NUTF2: variants seen among roughly 807,000 people sequenced by gnomAD.
NUTF2 encodes nuclear transport factor 2, also known as placental protein 15.
In NUTF2, 3 loss-of-function variants were observed where a neutral mutation model predicts 18.5. The ratio of observed to expected loss-of-function variants is 0.16; its 90% CI spans 0.07 to 0.42. The LOEUF (loss-of-function observed/expected upper bound fraction) is 0.42. Ranked by LOEUF, NUTF2 falls within the 10% of genes least tolerant of loss-of-function variation. NUTF2 has a pLI of 0.99. For missense variants in NUTF2, 44 were observed against 160.7 expected (o/e 0.27, Z 3.93); for synonymous variants, 51 against 57.9 (o/e 0.88, Z 0.54).
At chr16:67,852,004 G>C (rs756483994) in intron 1 of NUTF2, among the ~76,000 whole-genome samples, 68 of 151,590 alleles carry the variant, frequency 4.5e-4, no homozygotes, top group Non-Finnish European at 8.4e-4. Context: ...CAACAACAGC[G>C]AAACTCCATC....
intron 1 of NUTF2, among the ~76,000 whole-genome samples, chr16:67,853,750 A>G (rs1003265226): frequency 2.0e-5 from 3 of 151,908 alleles, no homozygotes; most frequent in South Asian, 2.1e-4. Context: ...GGCTCAAGCA[A>G]TCCTCCTGCC....
At chr16:67,863,019 G>A (rs964478787) in intron 1 of NUTF2, among the ~76,000 whole-genome samples, 17 of 152,156 alleles carry the variant, frequency 1.1e-4, no homozygotes, top group African/African-American at 3.9e-4. Flanking sequence ...CAGGGTCAGG[G>A]CACATTGAGT....
At chr16:67,860,996 T>G (rs1478395117) in intron 1 of NUTF2, among the ~76,000 whole-genome samples, 1 of 152,212 alleles carries the variant, frequency 6.6e-6, no homozygotes, top group Non-Finnish European at 1.5e-5. Flanking sequence ...TGTTTGGAGG[T>G]GGAAGCCCTG....
chr16:67,854,812 G>T (rs2057883682), intron 1 of NUTF2, among the ~76,000 whole-genome samples: 1 of 152,144 alleles, frequency 6.6e-6, no homozygotes, highest in African/African-American at 2.4e-5. Context: ...GCAGGGCATG[G>T]TGGCAGGTAC....
intron 4 of NUTF2, chr16:67,870,531 T>C (rs1485206564): frequency 1.2e-5 from 5 of 431,656 alleles, no homozygotes; most frequent in Non-Finnish European, 2.1e-5. Flanking sequence ...CTCTGCTCTT[T>C]TGCTGTAGCT....
intron 1 of NUTF2, among the ~76,000 whole-genome samples, chr16:67,859,558 A>T (rs572948441): frequency 6.6e-6 from 1 of 151,684 alleles, no homozygotes; most frequent in African/African-American, 2.4e-5. Context: ...GGATTTCTCT[A>T]TGTTGGCCAG....
intron 1 of NUTF2, among the ~76,000 whole-genome samples, chr16:67,855,480 A>T (rs565806152): frequency 6.6e-6 from 1 of 152,304 alleles, no homozygotes; most frequent in South Asian, 2.1e-4. Context: ...CCCAGGCTGG[A>T]GACAGGGCTG....
intron 1 of NUTF2, among the ~76,000 whole-genome samples, chr16:67,857,509 C>G (rs1039847377): frequency 1.3e-5 from 2 of 152,152 alleles, no homozygotes; most frequent in Non-Finnish European, 2.9e-5. Flanking sequence ...TGATTCTAGG[C>G]CATCTCCATG....
At chr16:67,849,681 C>T (rs558981170) in intron 1 of NUTF2, among the ~76,000 whole-genome samples, 20 of 151,202 alleles carry the variant, frequency 1.3e-4, no homozygotes, top group Admixed American at 3.3e-4. Context: ...TATTTTGAGA[C>T]GGAGTCTCAC....
At chr16:67,853,292 A>G (rs2057873405) in intron 1 of NUTF2, among the ~76,000 whole-genome samples, 2 of 152,106 alleles carry the variant, frequency 1.3e-5, no homozygotes, top group Admixed American at 1.3e-4. Context: ...CCTGGGCTCA[A>G]GCAGTCCTCC....
At chr16:67,864,981 T>C in intron 1 of NUTF2, 121 bp from the exon 2 acceptor site, 1 of 598,052 alleles carries the variant, frequency 1.7e-6, no homozygotes. Context: ...CTGTCCGTGT[T>C]CTCTGAGAGA....
At position 67,871,053 on chromosome 16, in the gene NUTF2, G is replaced by C; in HGVS notation, c.*140G>C. 1 of 626,382 alleles carries C rather than the reference G, an allele frequency of 1.6e-6. No individual in the cohort carries two copies. Among genetic ancestry groups the C allele is most frequent in the South Asian group, 2.0e-5 (1 of 49,120 alleles). The allele number at this position is 626,382 out of a possible 1,614,324, so 38.8% of individuals were successfully genotyped here. Reference sequence around the variant, plus strand: ...GTGGGCGCAGTGCGCTGCTGCCACTGAGGTGTTGTGCATGATGTTTGGATG... The same window carrying C: ...GTGGGCGCAGTGCGCTGCTGCCACTCAGGTGTTGTGCATGATGTTTGGATG... On this transcript the variant is annotated 3_prime_UTR_variant, in exon 5 of 5. Coordinates refer to ENST00000219169, the MANE Select transcript of NUTF2 (RefSeq NM_005796.3).
At chr16:67,850,571 G>A (rs916304080) in intron 1 of NUTF2, among the ~76,000 whole-genome samples, 2 of 152,152 alleles carry the variant, frequency 1.3e-5, no homozygotes, top group Admixed American at 6.6e-5. Flanking sequence ...CTGAGAATTC[G>A]TTAAATGTTT....
intron 4 of NUTF2, 70 bp from the exon 5 acceptor site, chr16:67,870,730 C>T (rs1395731134): frequency 1.6e-5 from 21 of 1,309,476 alleles, no homozygotes; most frequent in Admixed American, 1.2e-4. Flanking sequence ...TTTTTGCCCT[C>T]TTCTCCTACC....
chr16:67,856,031 A>T (rs2057894247), intron 1 of NUTF2: 2 of 861,730 alleles, frequency 2.3e-6, no homozygotes, highest in Non-Finnish European at 3.9e-6. Context: ...TGTCTTGCTC[A>T]GGGGCCGGCA....
At chr16:67,864,421 A>G (rs1025908316) in intron 1 of NUTF2, among the ~76,000 whole-genome samples, 44 of 151,784 alleles carry the variant, frequency 2.9e-4, no homozygotes, top group African/African-American at 1.1e-3. Flanking sequence ...AGGCAAGAGA[A>G]TCACTTGAGC....
Position 67,846,960 on chromosome 16 carries a change from C to G in NUTF2, c.-55C>G, listed in dbSNP as rs911945091. The stretch of plus-strand genomic sequence containing the variant: ...AGACCGCGCTGGGTTGCCGCTGCCG[C>G]TGCCGCCATCGTGCCAGCCCCTCGG... On this transcript the variant is annotated 5_prime_UTR_variant, in exon 1 of 5. Coordinates refer to ENST00000219169, the MANE Select transcript of NUTF2 (RefSeq NM_005796.3). 1 of 152,564 alleles carries G rather than the reference C, an allele frequency of 6.6e-6. No homozygotes were observed. Among genetic ancestry groups the G allele is most frequent in the South Asian group, 2.1e-4 (1 of 4,840 alleles). The allele number at this position is 152,564 out of a possible 1,614,324, so 9.5% of individuals were successfully genotyped here. A position where few individuals can be genotyped will look rare whatever the true frequency, so the allele number is the denominator to read the frequency against.
chr16:67,856,357 A>C (rs987384868), intron 1 of NUTF2, among the ~76,000 whole-genome samples: 11 of 151,632 alleles, frequency 7.3e-5, no homozygotes, highest in African/African-American at 2.7e-4. Flanking sequence ...ACGCCTGGCA[A>C]ATTTTTATAT....
Position 67,865,230 on chromosome 16 carries a change from G to A in NUTF2, c.99+1G>A. On this transcript the variant is annotated splice_donor_variant, in intron 2 of 4. Coordinates refer to ENST00000219169, the MANE Select transcript of NUTF2 (RefSeq NM_005796.3). LOFTEE classifies it high-confidence loss of function. ...TAGAACCCAACTAGGCGCAATTTAC[G>A]TAAGTTTCCAGCTCTAGGGCCAGAA... 2 of 1,606,326 alleles carry A rather than the reference G, an allele frequency of 1.2e-6. No individual in the cohort carries two copies. Among genetic ancestry groups the A allele is most frequent in the Non-Finnish European group, 1.7e-6 (2 of 1,173,084 alleles).
Sources: allele counts gnomAD v4.1 joint callset (sites outside exome capture counted in the v4.1 genomes callset), GRCh38; gene constraint gnomAD v4.1.1; transcripts MANE v1.5; gene names NCBI Gene and HGNC (gene_info 2026-07-23, HGNC 2026-07-21).